LSAMP: variants seen among roughly 807,000 people sequenced by gnomAD.
LSAMP encodes the protein limbic system-associated membrane protein.
LSAMP carries 7 observed loss-of-function variants against 38.6 expected under a neutral mutation model. The ratio of observed to expected loss-of-function variants is 0.18; its 90% CI spans 0.10 to 0.34. The LOEUF is 0.34. LSAMP is among the 10% of genes least tolerant of loss of function. LSAMP has a pLI of 1.00. For missense variants in LSAMP, 313 were observed against 420.0 expected, an observed-to-expected ratio of 0.75 and a Z score of 2.23; for synonymous variants, 154 against 166.8, an observed-to-expected ratio of 0.92 and a Z score of 0.59.
chr3:116,289,071 G>C (rs1319189872), intron 1 of LSAMP, among the ~76,000 whole-genome samples: 1 of 151,278 alleles, frequency 6.6e-6, no homozygotes, highest in Non-Finnish European at 1.5e-5. Flanking sequence ...CATGAGTTTT[G>C]TTTATTTATC....
At chr3:116,413,293 T>G (rs2049004896) in intron 1 of LSAMP, among the ~76,000 whole-genome samples, 1 of 151,946 alleles carries the variant, frequency 6.6e-6, no homozygotes, top group Admixed American at 6.6e-5. Context: ...ATAAATCAGG[T>G]TATTCAAAAG....
intron 3 of LSAMP, among the ~76,000 whole-genome samples, chr3:115,912,985 T>C (rs1937167409): frequency 6.6e-6 from 1 of 152,230 alleles, no homozygotes; most frequent in African/African-American, 2.4e-5. Context: ...TCAGGGGTTT[T>C]AGTTGTGTTT....
Position 115,900,552 on chromosome 3 carries a change from G to A in LSAMP, c.515-47935C>T, listed in dbSNP as rs527361808. 1.1e-4 allele frequency among the ~76,000 whole-genome samples: 17 copies of A among 150,556 alleles called. No homozygotes were observed. The East Asian group carries it at 3.1e-3, about 28-fold the overall frequency. On this transcript the variant is annotated intron_variant, in intron 3 of 6. Coordinates refer to ENST00000490035, the MANE Select transcript of LSAMP (RefSeq NM_002338.5). Reference sequence around the variant, plus strand: ...AAAAAAAATGCTAATTGATACCAGAGTCAGCTTTTGCCACAAACTCTGACC... The same window carrying A: ...AAAAAAAATGCTAATTGATACCAGAATCAGCTTTTGCCACAAACTCTGACC...
At chr3:116,118,608 A>C (rs1312778600) in intron 1 of LSAMP, among the ~76,000 whole-genome samples, 1 of 152,100 alleles carries the variant, frequency 6.6e-6, no homozygotes, top group Non-Finnish European at 1.5e-5. Context: ...TGTGTGTTTG[A>C]TCCATCGTCT....
intron 3 of LSAMP, among the ~76,000 whole-genome samples, chr3:115,998,570 C>A (rs995322129): frequency 1.3e-5 from 2 of 152,098 alleles, no homozygotes; most frequent in Admixed American, 1.3e-4. Flanking sequence ...GAAGTGCTGT[C>A]ATCACCTGGA....
intron 1 of LSAMP, among the ~76,000 whole-genome samples, chr3:116,117,493 G>A (rs951150298): frequency 4.6e-5 from 7 of 152,160 alleles, no homozygotes; most frequent in East Asian, 3.9e-4. Flanking sequence ...TGATACATTC[G>A]TATTAAGTAA....
At chr3:116,300,534 C>T (rs1409680343) in intron 1 of LSAMP, among the ~76,000 whole-genome samples, 2 of 152,120 alleles carry the variant, frequency 1.3e-5, no homozygotes, top group Non-Finnish European at 2.9e-5. Flanking sequence ...AAGGGGCAGG[C>T]CTGAGCTCCA....
At chr3:116,317,708 T>G (rs2047651653) in intron 1 of LSAMP, among the ~76,000 whole-genome samples, 1 of 151,858 alleles carries the variant, frequency 6.6e-6, no homozygotes, top group Non-Finnish European at 1.5e-5. Flanking sequence ...CTGGGGGCAG[T>G]AGTTATAGTT....
intron 1 of LSAMP, among the ~76,000 whole-genome samples, chr3:116,400,917 T>G (rs1224181179): frequency 1.3e-5 from 2 of 152,224 alleles, no homozygotes. Flanking sequence ...TATTGTGACC[T>G]GTGCATATAT....
chr3:116,242,342 A>G (rs1186415140), intron 1 of LSAMP, among the ~76,000 whole-genome samples: 1 of 152,226 alleles, frequency 6.6e-6, no homozygotes, highest in African/African-American at 2.4e-5. Flanking sequence ...AATAGTTTAA[A>G]AAATGGTAAT....
intron 1 of LSAMP, among the ~76,000 whole-genome samples, chr3:116,279,445 A>ATAAC (rs1327810552): frequency 2.0e-5 from 3 of 152,234 alleles, no homozygotes; most frequent in Non-Finnish European, 2.9e-5. Flanking sequence ...CATCTTCAAT[A>ATAAC]TAACTCTAGT....
At position 116,311,707 on chromosome 3, in the gene LSAMP, T is replaced by C. The variant is rs150443059; in HGVS notation, c.155+133170A>G. 4.7e-3 allele frequency among the ~76,000 whole-genome samples: 717 copies of C among 152,286 alleles called. 4 individuals are homozygous for C. The highest frequency in any genetic ancestry group is 0.016 in the African/African-American group (680 of 41,552). On this transcript the variant is annotated intron_variant, in intron 1 of 6. Coordinates refer to ENST00000490035, the MANE Select transcript of LSAMP (RefSeq NM_002338.5). ...TGAGACCTAGTTCCTCATATAATTG[T>C]ACATAACTTAAGGGTTTGTTGTACA...
intron 3 of LSAMP, among the ~76,000 whole-genome samples, chr3:115,939,895 T>C (rs1395542781): frequency 6.6e-6 from 1 of 152,074 alleles, no homozygotes; most frequent in Non-Finnish European, 1.5e-5. Context: ...TTCCTTCTGG[T>C]GGGTTCTTGG....
intron 3 of LSAMP, among the ~76,000 whole-genome samples, chr3:115,884,304 C>G (rs1181485571): frequency 1.3e-5 from 2 of 151,922 alleles, no homozygotes; most frequent in Non-Finnish European, 2.9e-5. Context: ...TCTTAAACAT[C>G]AAGATGACAG....
At chr3:116,372,119 G>A (rs936188609) in intron 1 of LSAMP, among the ~76,000 whole-genome samples, 2 of 151,890 alleles carry the variant, frequency 1.3e-5, no homozygotes, top group Non-Finnish European at 2.9e-5. Flanking sequence ...CTACTAGCTC[G>A]ATACAATCCC....
intron 1 of LSAMP, among the ~76,000 whole-genome samples, chr3:116,146,137 G>C (rs145198571): frequency 6.6e-6 from 1 of 151,786 alleles, no homozygotes; most frequent in Non-Finnish European, 1.5e-5. Context: ...CCTTCTTCTA[G>C]GGAGCAGGCT....
intron 1 of LSAMP, among the ~76,000 whole-genome samples, chr3:116,426,765 T>G (rs2049201955): frequency 6.6e-6 from 1 of 152,140 alleles, no homozygotes; most frequent in African/African-American, 2.4e-5. Context: ...TTACCATATT[T>G]CCTAACTCTG....
At chr3:116,079,781 T>A (rs1707833558) in intron 2 of LSAMP, among the ~76,000 whole-genome samples, 1 of 152,024 alleles carries the variant, frequency 6.6e-6, no homozygotes, top group African/African-American at 2.4e-5. Flanking sequence ...AAGTTGCCTA[T>A]TTGTAGCAAA....
chr3:116,115,153 T>C (rs188498659), intron 1 of LSAMP, among the ~76,000 whole-genome samples: 5 of 152,374 alleles, frequency 3.3e-5, no homozygotes, highest in Admixed American at 6.5e-5. Flanking sequence ...TTATTTTTTC[T>C]TGAAATAAGC....
Sources: gnomAD v4.1 joint callset for allele counts (sites outside exome capture counted in the v4.1 genomes callset) on GRCh38, gnomAD v4.1.1 for gene constraint, MANE v1.5 for transcripts, NCBI Gene and HGNC (gene_info 2026-07-23, HGNC 2026-07-21) for gene names.